TAFA4: variants seen among roughly 807,000 people sequenced by gnomAD.
TAFA4 encodes chemokine-like protein TAFA-4.
Under a neutral mutation model 21.1 loss-of-function variants are expected in TAFA4, and 20 were observed. The observed-to-expected ratio is 0.95, with a 90% confidence interval of 0.67 to 1.38. The LOEUF (loss-of-function observed/expected upper bound fraction) is 1.38, where lower values mean the gene tolerates loss of function less well. TAFA4 is among the 40% of genes most tolerant of loss of function. TAFA4 has a pLI of 0.00. For missense variants in TAFA4, 211 were observed against 180.9 expected (o/e 1.17, Z -0.95); for synonymous variants, 71 against 67.4 (o/e 1.05, Z -0.26).
intron 3 of TAFA4, among the ~76,000 whole-genome samples, chr3:68,782,733 C>T (rs1282069295): frequency 3.9e-5 from 6 of 152,090 alleles, no homozygotes; most frequent in African/African-American, 9.6e-5. Flanking sequence ...ATCGCCAGGG[C>T]TAAGGAGAGG....
At chr3:68,888,398 C>T (rs978675456) in intron 1 of TAFA4, among the ~76,000 whole-genome samples, 1 of 152,124 alleles carries the variant, frequency 6.6e-6, no homozygotes, top group Non-Finnish European at 1.5e-5. Flanking sequence ...CTTCTGAGCC[C>T]TCACCAGAGC....
At chr3:68,799,766 C>T (rs1053730023) in intron 3 of TAFA4, among the ~76,000 whole-genome samples, 2 of 82,648 alleles carry the variant, frequency 2.4e-5, no homozygotes, top group African/African-American at 8.2e-5. Context: ...GTCTCCAACC[C>T]CTGGGCCATG....
At position 68,861,030 on chromosome 3, in the gene TAFA4, A is replaced by ACC. The variant is rs113804738; in HGVS notation, c.130+19698_130+19699dup. Among the ~76,000 whole-genome samples the ACC allele has an allele frequency of 6.8e-4, 75 of 111,080 alleles. 2 individuals are homozygous for ACC. The highest frequency in any genetic ancestry group is 1.3e-3 in the African/African-American group (39 of 31,100). 72.9% of individuals were successfully genotyped at this position (111,080 alleles called of 152,430 possible). On this transcript the variant is annotated intron_variant, in intron 3 of 5. Coordinates refer to ENST00000295569, the MANE Select transcript of TAFA4 (RefSeq NM_182522.5). ...TAGCATTTTGTGATGTTAAATATGC[A>ACC]CCCCCCCCCCGCCCCCACGACTCAG...
intron 3 of TAFA4, among the ~76,000 whole-genome samples, chr3:68,767,671 A>G (rs1702881549): frequency 6.6e-6 from 1 of 152,054 alleles, no homozygotes; most frequent in East Asian, 1.9e-4. Context: ...TCAAATATAT[A>G]CCAGCATAAT....
At chr3:68,834,865 A>T (rs976822885) in intron 3 of TAFA4, among the ~76,000 whole-genome samples, 3 of 152,126 alleles carry the variant, frequency 2.0e-5, no homozygotes, top group Non-Finnish European at 4.4e-5. Context: ...ACTTCCTGAC[A>T]GGATTACTTT....
rs888843583 is a variant in TAFA4 at position 68,731,783 on chromosome 3, A to T, written c.*1359T>A. 2.6e-5 allele frequency: 4 copies of T among 152,082 alleles called. No individual in the cohort carries two copies. Among genetic ancestry groups the T allele is most frequent in the Non-Finnish European group, 4.4e-5 (3 of 68,010 alleles). 9.4% of individuals were successfully genotyped at this position (152,082 alleles called of 1,614,324 possible). Reference sequence around the variant, plus strand: ...AACATGTATGCCATCAGCAGGATGAATTTTTTTACTTATTCATATGATCAT... The same window carrying T: ...AACATGTATGCCATCAGCAGGATGATTTTTTTTACTTATTCATATGATCAT... On this transcript the variant is annotated 3_prime_UTR_variant, in exon 6 of 6. Coordinates refer to ENST00000295569, the MANE Select transcript of TAFA4 (RefSeq NM_182522.5).
chr3:68,867,292 A>G (rs1474223960), intron 3 of TAFA4, among the ~76,000 whole-genome samples: 3 of 152,216 alleles, frequency 2.0e-5, no homozygotes, highest in South Asian at 2.1e-4. Flanking sequence ...TCAAACTGCT[A>G]AAGAAAAAAA....
chr3:68,829,628 A>G (rs9758139), intron 3 of TAFA4, among the ~76,000 whole-genome samples: 68,739 of 152,076 alleles, frequency 0.45, 16,176 homozygotes, highest in African/African-American at 0.55. Flanking sequence ...ATGTTCATCA[A>G]GGATATTGGT....
chr3:68,812,370 A>G (rs926714038), intron 3 of TAFA4, among the ~76,000 whole-genome samples: 1 of 152,240 alleles, frequency 6.6e-6, no homozygotes, highest in African/African-American at 2.4e-5. Context: ...ATTAAAAGAC[A>G]CAGACTGGCA....
chr3:68,837,296 C>A (rs1333326879), intron 3 of TAFA4, among the ~76,000 whole-genome samples: 1 of 152,184 alleles, frequency 6.6e-6, no homozygotes, highest in East Asian at 1.9e-4. Flanking sequence ...AGGCCCCACT[C>A]CAGACCTGAA....
intron 3 of TAFA4, among the ~76,000 whole-genome samples, chr3:68,837,846 G>T (rs1575633705): frequency 6.6e-6 from 1 of 151,050 alleles, no homozygotes. Flanking sequence ...TTTGGTTTGT[G>T]TTTTTTTTAG....
chr3:68,846,429 A>G (rs1156381457), intron 3 of TAFA4, among the ~76,000 whole-genome samples: 1 of 151,822 alleles, frequency 6.6e-6, no homozygotes, highest in Non-Finnish European at 1.5e-5. Flanking sequence ...CCTTTTTTCA[A>G]GGTTCTTAGT....
At chr3:68,920,248 G>T (rs761860593) in intron 1 of TAFA4, among the ~76,000 whole-genome samples, 3 of 152,066 alleles carry the variant, frequency 2.0e-5, no homozygotes, top group Non-Finnish European at 4.4e-5. Context: ...ACAAACTATA[G>T]AATCAGATGT....
In TAFA4 at chr3:68,753,332, G is replaced by T. The variant is rs989231085; in HGVS notation, c.131-314C>A. 7.2e-4 allele frequency among the ~76,000 whole-genome samples: 74 copies of T among 102,680 alleles called. No individual in the cohort carries two copies. In the Admixed American group the frequency reaches 7.3e-3, roughly 10 times the overall value. The allele number at this position is 102,680 out of a possible 152,430, so 67.4% of individuals were successfully genotyped here. A position where few individuals can be genotyped will look rare whatever the true frequency, so the allele number is the denominator to read the frequency against. On this transcript the variant is annotated intron_variant, in intron 3 of 5. Transcript: ENST00000295569. Reference sequence around the variant, plus strand: ...TTTGCAGATGTGACTGAGATTGATAGAGTTTTTTTTTTTTTTTTTTTGAGA... The same window carrying T: ...TTTGCAGATGTGACTGAGATTGATATAGTTTTTTTTTTTTTTTTTTTGAGA...
Position 68,732,987 on chromosome 3 carries a change from A to G in TAFA4, c.*155T>C. On this transcript the variant is annotated 3_prime_UTR_variant, in exon 6 of 6. Coordinates refer to ENST00000295569, the MANE Select transcript of TAFA4 (RefSeq NM_182522.5). Reference sequence around the variant, plus strand: ...ATCACGAAGCAGAGAGGGCTGGGCCAGTTAAGTGAATGCCACCTCTCACAG... The same window carrying G: ...ATCACGAAGCAGAGAGGGCTGGGCCGGTTAAGTGAATGCCACCTCTCACAG... 2.3e-6 allele frequency: 2 copies of G among 864,744 alleles called. No homozygotes were observed. Among genetic ancestry groups the G allele is most frequent in the South Asian group, 1.8e-5 (1 of 54,752 alleles). 53.6% of individuals were successfully genotyped at this position (864,744 alleles called of 1,614,324 possible).
At chr3:68,842,029 T>G (rs1051900176) in intron 3 of TAFA4, among the ~76,000 whole-genome samples, 1 of 152,170 alleles carries the variant, frequency 6.6e-6, no homozygotes, top group African/African-American at 2.4e-5. Context: ...GTCCTTATAG[T>G]AGAATGATTT....
chr3:68,831,163 T>C (rs2106878659), intron 3 of TAFA4, among the ~76,000 whole-genome samples: 1 of 152,368 alleles, frequency 6.6e-6, no homozygotes, highest in East Asian at 1.9e-4. Context: ...CTGTGTCTTT[T>C]AATTGGGGCC....
chr3:68,796,296 A>C (rs1049190454), intron 3 of TAFA4, among the ~76,000 whole-genome samples: 3 of 152,232 alleles, frequency 2.0e-5, no homozygotes, highest in African/African-American at 7.2e-5. Context: ...TAAGGTTCAG[A>C]TTTAAAGAAA....
chr3:68,931,554 G>T (rs1426728178), intron 1 of TAFA4, among the ~76,000 whole-genome samples: 1 of 152,164 alleles, frequency 6.6e-6, no homozygotes, highest in Non-Finnish European at 1.5e-5. Context: ...TTCTAGGAGC[G>T]GATTAACAGG....
Sources: gnomAD v4.1 joint callset for allele counts (sites outside exome capture counted in the v4.1 genomes callset) on GRCh38, gnomAD v4.1.1 for gene constraint, MANE v1.5 for transcripts, NCBI Gene and HGNC (gene_info 2026-07-23, HGNC 2026-07-21) for gene names.